SETBP1: variants seen among roughly 807,000 people sequenced by gnomAD.
The protein encoded by SETBP1 is SET-binding protein.
Under a neutral mutation model 101.0 loss-of-function variants are expected in SETBP1, and 9 were observed. The ratio of observed to expected loss-of-function variants is 0.09; its 90% CI spans 0.05 to 0.16. The LOEUF (loss-of-function observed/expected upper bound fraction) is 0.16, where lower values mean the gene tolerates loss of function less well. SETBP1 is among the 10% of genes least tolerant of loss of function. SETBP1 has a pLI of 1.00. For missense variants in SETBP1, 1,858 were observed against 2,033.8 expected (o/e 0.91, Z 1.66); for synonymous variants, 818 against 788.5 (o/e 1.04, Z -0.63).
chr18:44,707,005 AC>A (rs1440936476), intron 2 of SETBP1, among the ~76,000 whole-genome samples: 1 of 152,266 alleles, frequency 6.6e-6, no homozygotes, highest in Admixed American at 6.5e-5. Flanking sequence ...CCCTCTGCTA[AC>A]TGTTTTACAT....
At chr18:44,983,546 T>G (rs567859750) in intron 4 of SETBP1, among the ~76,000 whole-genome samples, 1 of 152,280 alleles carries the variant, frequency 6.6e-6, no homozygotes, top group South Asian at 2.1e-4. Context: ...TCCTAACCAC[T>G]GTCCCATTGC....
intron 3 of SETBP1, among the ~76,000 whole-genome samples, chr18:44,911,690 A>G (rs570578867): frequency 6.6e-6 from 1 of 152,308 alleles, no homozygotes; most frequent in African/African-American, 2.4e-5. Flanking sequence ...AACCTCACCC[A>G]GGGAGCCCTC....
intron 2 of SETBP1, among the ~76,000 whole-genome samples, chr18:44,837,682 A>G (rs1345299733): frequency 6.6e-6 from 1 of 152,204 alleles, no homozygotes; most frequent in Non-Finnish European, 1.5e-5. Flanking sequence ...TGGGAGGGAC[A>G]CATGCATTCC....
intron 2 of SETBP1, among the ~76,000 whole-genome samples, chr18:44,764,107 C>T (rs888803947): frequency 3.9e-5 from 6 of 152,226 alleles, no homozygotes; most frequent in South Asian, 2.1e-4. Flanking sequence ...CCTCCCATGG[C>T]TCCCCATTTC....
chr18:44,894,963 A>G (rs2069858107), intron 3 of SETBP1, among the ~76,000 whole-genome samples: 1 of 148,820 alleles, frequency 6.7e-6, no homozygotes, highest in Admixed American at 6.7e-5. Context: ...ACTTAAAAAA[A>G]AAAAAAAGTA....
chr18:45,030,709 G>T lies in SETBP1; in HGVS notation c.4001-7776G>T, dbSNP rs1228656474. 2.0e-5 allele frequency among the ~76,000 whole-genome samples: 3 copies of T among 148,774 alleles called. 1 individual carries two copies. The highest frequency in any genetic ancestry group is 7.7e-5 in the African/African-American group (3 of 38,976). ...TCAGAGCCTGTTATTGGTCTATTCA[G>T]AGATTCAGCTTCCTCCTGGTTTAGT... On this transcript the variant is annotated intron_variant, in intron 4 of 5. Coordinates refer to ENST00000649279, the MANE Select transcript of SETBP1 (RefSeq NM_015559.3).
chr18:44,870,132 T>C (rs915755172), intron 3 of SETBP1: 4 of 152,180 alleles, frequency 2.6e-5, no homozygotes, highest in African/African-American at 7.2e-5. Flanking sequence ...TGTGGGAAAA[T>C]AAATTATAGC....
At chr18:44,690,492 G>C (rs1735118475) in intron 1 of SETBP1, among the ~76,000 whole-genome samples, 1 of 152,224 alleles carries the variant, frequency 6.6e-6, no homozygotes, top group African/African-American at 2.4e-5. Flanking sequence ...ATTATTATCT[G>C]TTAGATGGTT....
intron 5 of SETBP1, among the ~76,000 whole-genome samples, chr18:45,040,103 C>T (rs2073479580): frequency 6.6e-6 from 1 of 152,164 alleles, no homozygotes; most frequent in African/African-American, 2.4e-5. Context: ...TGTCTCCTAA[C>T]ATCTCTTGGA....
At chr18:44,723,588 A>G (rs1281194375) in intron 2 of SETBP1, among the ~76,000 whole-genome samples, 1 of 152,220 alleles carries the variant, frequency 6.6e-6, no homozygotes, top group Non-Finnish European at 1.5e-5. Context: ...GTGGCCGGTC[A>G]TTGCCACTGC....
At chr18:44,964,148 A>G (rs930730525) in intron 4 of SETBP1, among the ~76,000 whole-genome samples, 7 of 152,140 alleles carry the variant, frequency 4.6e-5, no homozygotes, top group South Asian at 2.1e-4. Flanking sequence ...CACGTCTTAT[A>G]TTGCAAGTAA....
At chr18:44,750,643 C>G (rs2070361518) in intron 2 of SETBP1, among the ~76,000 whole-genome samples, 1 of 152,168 alleles carries the variant, frequency 6.6e-6, no homozygotes, top group Non-Finnish European at 1.5e-5. Flanking sequence ...ATTTGGCCAC[C>G]TGAGTTGGCA....
intron 2 of SETBP1, among the ~76,000 whole-genome samples, chr18:44,710,933 G>C (rs190819283): frequency 1.3e-5 from 2 of 152,304 alleles, no homozygotes; most frequent in East Asian, 3.9e-4. Flanking sequence ...GGCTGCCAGA[G>C]AGGAGGGCAG....
chr18:44,847,002 C>T (rs772584218), intron 2 of SETBP1, among the ~76,000 whole-genome samples: 10 of 152,060 alleles, frequency 6.6e-5, no homozygotes, highest in Non-Finnish European at 1.0e-4. Context: ...GTCCCGGTCA[C>T]GCAAAGAAAC....
chr18:44,847,616 A>G lies in SETBP1; in HGVS notation c.487-21614A>G, dbSNP rs947469111. Among the ~76,000 whole-genome samples the G allele has an allele frequency of 9.2e-5, 14 of 152,234 alleles. 1 individual carries two copies. The highest frequency in any genetic ancestry group is 1.9e-4 in the Non-Finnish European group (13 of 68,042). On this transcript the variant is annotated intron_variant, in intron 2 of 5. Transcript: ENST00000649279. The stretch of plus-strand genomic sequence containing the variant: ...TGCAACAGGTACTTTTTGAGCCCCT[A>G]CAATGTGTCAAGCACTGTGGGGGTA...
chr18:44,875,373 C>G (rs1313091148), intron 3 of SETBP1, among the ~76,000 whole-genome samples: 1 of 151,826 alleles, frequency 6.6e-6, no homozygotes, highest in African/African-American at 2.4e-5. Context: ...CAAAAACTAG[C>G]TGGGCGTGGT....
At chr18:44,953,956 A>C (rs921691391) in intron 4 of SETBP1, among the ~76,000 whole-genome samples, 1 of 152,192 alleles carries the variant, frequency 6.6e-6, no homozygotes, top group African/African-American at 2.4e-5. Flanking sequence ...ACTTGACTAC[A>C]TTCAGATACT....
At chr18:44,835,387 T>C (rs763437224) in intron 2 of SETBP1, among the ~76,000 whole-genome samples, 15 of 152,126 alleles carry the variant, frequency 9.9e-5, no homozygotes, top group Non-Finnish European at 1.8e-4. Flanking sequence ...CTTTGCTCCC[T>C]GCCCTCAGCT....
chr18:44,847,061 A>G (rs1431581223), intron 2 of SETBP1, among the ~76,000 whole-genome samples: 3 of 152,186 alleles, frequency 2.0e-5, no homozygotes, highest in Non-Finnish European at 2.9e-5. Context: ...CAGGATGAAA[A>G]CTAGAATGAT....
Sources: allele counts gnomAD v4.1 joint callset (sites outside exome capture counted in the v4.1 genomes callset), GRCh38; gene constraint gnomAD v4.1.1; transcripts MANE v1.5; gene names NCBI Gene and HGNC (gene_info 2026-07-23, HGNC 2026-07-21).